Variants in LINGO2 observed in about 807,000 individuals in gnomAD.
LINGO2 encodes leucine rich repeat and Ig domain containing 2.
LINGO2 carries 14 observed loss-of-function variants against 30.6 expected under a neutral mutation model. That is an observed-to-expected ratio of 0.46 (90% CI 0.30 to 0.72). LINGO2 has a LOEUF of 0.72. Among genes scored for constraint, LINGO2 ranks in the 30% least tolerant of loss-of-function variants. The pLI is 0.07. For missense variants in LINGO2, 729 were observed against 751.7 expected (o/e 0.97, Z 0.35); for synonymous variants, 317 against 288.5 (o/e 1.10, Z -1.00).
chr9:28,599,602 TAAAG>T (rs1260864748), intron 1 of LINGO2, among the ~76,000 whole-genome samples: 1 of 152,126 alleles, frequency 6.6e-6, no homozygotes, highest in Non-Finnish European at 1.5e-5. Flanking sequence ...ATTTGGATAA[TAAAG>T]AAAGTTTATT....
chr9:28,095,347 G>A (rs537119335), intron 4 of LINGO2, among the ~76,000 whole-genome samples: 14 of 152,102 alleles, frequency 9.2e-5, no homozygotes, highest in African/African-American at 3.4e-4. Context: ...GAAAGCAGGT[G>A]GTGAATGTCA....
At chr9:28,098,463 C>T (rs1250130507) in intron 4 of LINGO2, among the ~76,000 whole-genome samples, 5 of 152,064 alleles carry the variant, frequency 3.3e-5, no homozygotes, top group African/African-American at 1.2e-4. Flanking sequence ...AAACCTGCAC[C>T]ACAAATTTGG....
At chr9:28,285,069 G>A (rs1056486735) in intron 4 of LINGO2, among the ~76,000 whole-genome samples, 1 of 152,182 alleles carries the variant, frequency 6.6e-6, no homozygotes, top group African/African-American at 2.4e-5. Context: ...CACTTATTGA[G>A]TGTTTATGAG....
At chr9:28,048,167 A>G (rs1197400108) in intron 4 of LINGO2, among the ~76,000 whole-genome samples, 1 of 150,922 alleles carries the variant, frequency 6.6e-6, no homozygotes, top group African/African-American at 2.4e-5. Flanking sequence ...AAGACATTTA[A>G]TAAGGATTAA....
intron 4 of LINGO2, among the ~76,000 whole-genome samples, chr9:28,058,787 G>A (rs747914300): frequency 6.6e-6 from 1 of 152,028 alleles, no homozygotes; most frequent in Non-Finnish European, 1.5e-5. Context: ...TAAGTTAGCT[G>A]GGATTAATGA....
At chr9:28,867,481 A>G in the LINGO2 span, among the ~76,000 whole-genome samples, 1 of 151,694 alleles carries the variant, frequency 6.6e-6, no homozygotes, top group Non-Finnish European at 1.5e-5. Context: ...TCTTTCAAGT[A>G]AAGAAAAAAA....
At chr9:28,721,115 A>G in the LINGO2 span, among the ~76,000 whole-genome samples, 2 of 152,132 alleles carry the variant, frequency 1.3e-5, no homozygotes, top group Non-Finnish European at 2.9e-5. Context: ...CAAAACCACA[A>G]TGAGATATCT....
the LINGO2 span, among the ~76,000 whole-genome samples, chr9:28,887,865 C>T: frequency 0.041 from 6,252 of 152,182 alleles, 194 homozygotes; most frequent in Admixed American, 0.082. Flanking sequence ...AGAAATCCTA[C>T]AGAAATAAGC....
At chr9:28,323,293 C>T (rs1825112814) in intron 3 of LINGO2, among the ~76,000 whole-genome samples, 1 of 152,142 alleles carries the variant, frequency 6.6e-6, no homozygotes, top group South Asian at 2.1e-4. Flanking sequence ...ACTATATTTG[C>T]TCTGATAAAG....
At chr9:29,051,799 T>C in the LINGO2 span, among the ~76,000 whole-genome samples, 1 of 152,134 alleles carries the variant, frequency 6.6e-6, no homozygotes, top group South Asian at 2.1e-4. Flanking sequence ...AAATTCTGGC[T>C]CCACCCATTA....
At chr9:28,838,922 G>A in the LINGO2 span, among the ~76,000 whole-genome samples, 18 of 152,372 alleles carry the variant, frequency 1.2e-4, no homozygotes, top group South Asian at 3.3e-3. Flanking sequence ...CACACCGGCT[G>A]TGGCAGGACA....
chr9:28,676,480 T>G, the LINGO2 span, among the ~76,000 whole-genome samples: 1 of 152,146 alleles, frequency 6.6e-6, no homozygotes, highest in Admixed American at 6.6e-5. Context: ...GAATCTTACA[T>G]TTTTACTACA....
intron 4 of LINGO2, among the ~76,000 whole-genome samples, chr9:28,031,744 C>T (rs1354374776): frequency 6.6e-6 from 1 of 152,200 alleles, no homozygotes; most frequent in Non-Finnish European, 1.5e-5. Context: ...GAGACCTCTG[C>T]CAGCTCCCTT....
the LINGO2 span, among the ~76,000 whole-genome samples, chr9:28,695,571 C>T: frequency 0.14 from 21,033 of 151,678 alleles, 1,938 homozygotes; most frequent in African/African-American, 0.26. Flanking sequence ...GAAAGATACA[C>T]ATTTTCAATG....
At chr9:27,954,283 T>G in intron 5 of LINGO2, among the ~76,000 whole-genome samples, 1 of 152,188 alleles carries the variant, frequency 6.6e-6, no homozygotes, top group Non-Finnish European at 1.5e-5. Flanking sequence ...ACATTAGAAC[T>G]GATTCCTTCT....
chr9:28,100,453 A>C (rs1194528916), intron 4 of LINGO2, among the ~76,000 whole-genome samples: 1 of 152,172 alleles, frequency 6.6e-6, no homozygotes, highest in African/African-American at 2.4e-5. Context: ...TGGAGATTTG[A>C]ACAATGTTAT....
intron 1 of LINGO2, among the ~76,000 whole-genome samples, chr9:28,560,304 C>T (rs1453840612): frequency 2.6e-5 from 4 of 151,938 alleles, no homozygotes; most frequent in Non-Finnish European, 4.4e-5. Context: ...GTAAGTTGCT[C>T]CCCATAATGT....
At chr9:28,893,099 T>A in the LINGO2 span, among the ~76,000 whole-genome samples, 2 of 151,954 alleles carry the variant, frequency 1.3e-5, no homozygotes, top group Admixed American at 1.3e-4. Flanking sequence ...TGTGAAAGCC[T>A]CTCTTCTCTT....
chr9:29,049,663 G>A, the LINGO2 span, among the ~76,000 whole-genome samples: 1 of 152,134 alleles, frequency 6.6e-6, no homozygotes, highest in East Asian at 1.9e-4. Context: ...GGATGGAACT[G>A]GAGATGTTAA....
Sources: gnomAD v4.1 joint callset for allele counts (sites outside exome capture counted in the v4.1 genomes callset) on GRCh38, gnomAD v4.1.1 for gene constraint, MANE v1.5 for transcripts, NCBI Gene and HGNC (gene_info 2026-07-23, HGNC 2026-07-21) for gene names.